The following EPHA7 variants were observed in gnomAD, a reference collection of about 807,000 sequenced individuals.
EPHA7 encodes EPH receptor A7, also known as ephrin type-A receptor 7.
EPHA7 carries 25 observed loss-of-function variants against 112.6 expected under a neutral mutation model. The observed-to-expected ratio is 0.22, with a 90% CI of 0.16 to 0.31. The LOEUF is 0.31. Ranked by LOEUF, EPHA7 falls within the 10% of genes least tolerant of loss-of-function variation. EPHA7 has a pLI of 1.00. For synonymous variants in EPHA7, 437 were observed against 406.5 expected (o/e 1.07, Z -0.90); for missense variants, 962 against 1,212.6 (o/e 0.79, Z 3.07).
chr6:93,296,843 C>T (rs1772698569), intron 5 of EPHA7, among the ~76,000 whole-genome samples: 1 of 151,664 alleles, frequency 6.6e-6, no homozygotes, highest in African/African-American at 2.4e-5. Flanking sequence ...ATTATTTTGC[C>T]TATCACATTG....
intron 3 of EPHA7, among the ~76,000 whole-genome samples, chr6:93,359,874 G>T (rs461552): frequency 0.1 from 12,830 of 127,852 alleles, 668 homozygotes; most frequent in East Asian, 0.13. Flanking sequence ...GAGAGAGAGA[G>T]AGATAGATAG....
chr6:93,358,351 G>T lies in EPHA7; in HGVS notation c.893C>A (p.Thr298Asn). The stretch of plus-strand genomic sequence containing the variant: ...GCCTTCTTTATCAGAAAAACTGTGA[G>T]TTGGACAACGAGAGCACTGAAGATC... Reference protein sequence around the residue: ...SQDLQCSRCPTHSFSDKEGSS... With the variant: ...SQDLQCSRCPNHSFSDKEGSS... Residue 298 changes from threonine to asparagine, a missense_variant, in exon 4 of 17, where the codon ACT becomes AAT. By Grantham distance (65) the Thr-to-Asn change is moderately conservative. Transcript: ENST00000369303. 1.2e-6 allele frequency: 2 copies of T among 1,613,234 alleles called. No individual in the cohort carries two copies. The highest frequency in any genetic ancestry group is 2.2e-5 in the East Asian group (1 of 44,826).
At chr6:93,287,594 G>A (rs578096163) in intron 5 of EPHA7, among the ~76,000 whole-genome samples, 178 of 150,022 alleles carry the variant, frequency 1.2e-3, no homozygotes, top group African/African-American at 4.0e-3. Context: ...AGGTAAACTC[G>A]TGTCATGGGG....
intron 5 of EPHA7, among the ~76,000 whole-genome samples, chr6:93,334,057 T>C (rs1018382213): frequency 1.6e-4 from 25 of 151,892 alleles, no homozygotes; most frequent in African/African-American, 6.0e-4. Flanking sequence ...AGCAGCATGG[T>C]ATTGGTACAA....
chr6:93,247,160 T>A (rs1769992299), intron 14 of EPHA7, among the ~76,000 whole-genome samples, 175 bp from the exon 15 acceptor site: 1 of 152,136 alleles, frequency 6.6e-6, no homozygotes. Context: ...AAGGAGTGCG[T>A]GAAGTGCAGG....
chr6:93,378,782 C>G (rs1487401080), intron 3 of EPHA7, among the ~76,000 whole-genome samples: 1 of 151,996 alleles, frequency 6.6e-6, no homozygotes, highest in Non-Finnish European at 1.5e-5. Context: ...AGGCTTAGAA[C>G]CCAGTCATTC....
At chr6:93,320,531 A>G (rs1774016895) in intron 5 of EPHA7, among the ~76,000 whole-genome samples, 1 of 151,978 alleles carries the variant, frequency 6.6e-6, no homozygotes, top group Non-Finnish European at 1.5e-5. Flanking sequence ...ATTCCCTTTC[A>G]TATTTACTAA....
At chr6:93,260,784 A>C in intron 9 of EPHA7, 1 of 970,458 alleles carries the variant, frequency 1.0e-6, no homozygotes, top group Non-Finnish European at 1.2e-6. Flanking sequence ...CTAAAGCTGA[A>C]GATGAAAAAA....
intron 5 of EPHA7, among the ~76,000 whole-genome samples, chr6:93,322,312 T>C (rs1774113161): frequency 6.6e-6 from 1 of 151,752 alleles, no homozygotes; most frequent in South Asian, 2.1e-4. Flanking sequence ...TAGCATTAAT[T>C]ACTATTCTTT....
intron 9 of EPHA7, among the ~76,000 whole-genome samples, chr6:93,262,153 T>C (rs1463152077): frequency 6.6e-6 from 1 of 151,522 alleles, no homozygotes; most frequent in Non-Finnish European, 1.5e-5. Context: ...AGAAATAAAA[T>C]TTAGGCATTC....
At chr6:93,294,909 T>A (rs1464791673) in intron 5 of EPHA7, among the ~76,000 whole-genome samples, 4 of 152,078 alleles carry the variant, frequency 2.6e-5, no homozygotes, top group Non-Finnish European at 5.9e-5. Context: ...AAAACCAGAT[T>A]GGCTTGTTTA....
rs1273016975 is a variant in EPHA7, at chr6:93,241,036, GAAGGAA to G, written c.*2384_*2389del. 9.4e-6 allele frequency: 2 copies of G among 211,906 alleles called. No homozygotes were observed. The highest frequency in any genetic ancestry group is 1.9e-5 in the Non-Finnish European group (2 of 104,644). 13.1% of individuals were successfully genotyped at this position (211,906 alleles called of 1,614,324 possible). The stretch of plus-strand genomic sequence containing the variant: ...TTTAAGGCAGATGAGGTATATTGCT[GAAGGAA>G]AAATTTATTTTTGAAAAAAACTCAA... On this transcript the variant is annotated 3_prime_UTR_variant, in exon 17 of 17. Transcript: ENST00000369303.
rs148144158 is a variant in EPHA7, at chr6:93,338,016, G to A, written c.1324+18701C>T. Among the ~76,000 whole-genome samples, 3 of 152,094 alleles carry A rather than the reference G, an allele frequency of 2.0e-5. No individual in the cohort carries two copies. In the East Asian group the frequency reaches 5.8e-4, roughly 29 times the overall value. The stretch of plus-strand genomic sequence containing the variant: ...AGGGAGGGAAGAAGAAGCATTGGGA[G>A]GGAGAGAACAAAAGGGAGATAACTC... On this transcript the variant is annotated intron_variant, in intron 5 of 16. Coordinates refer to ENST00000369303, the MANE Select transcript of EPHA7 (RefSeq NM_004440.4).
intron 16 of EPHA7, among the ~76,000 whole-genome samples, chr6:93,244,080 T>C (rs1769831611): frequency 6.6e-6 from 1 of 152,132 alleles, no homozygotes; most frequent in Non-Finnish European, 1.5e-5. Flanking sequence ...TTATATGTTA[T>C]AAAAACTATC....
At chr6:93,406,932 G>A (rs1463029366) in intron 3 of EPHA7, among the ~76,000 whole-genome samples, 1 of 151,732 alleles carries the variant, frequency 6.6e-6, no homozygotes, top group Non-Finnish European at 1.5e-5. Flanking sequence ...TTGCATCAAA[G>A]TTGTTACATA....
At chr6:93,291,767 C>CAAA (rs66483422) in intron 5 of EPHA7, among the ~76,000 whole-genome samples, 6 of 71,692 alleles carry the variant, frequency 8.4e-5, no homozygotes, top group African/African-American at 1.8e-4. Context: ...GACTCCGTCT[C>CAAA]AAAAAAAAAA....
Position 93,419,521 on chromosome 6 carries a change from G to C in EPHA7, c.-180C>G. 5.5e-6 allele frequency: 3 copies of C among 548,068 alleles called. No homozygotes were observed. The highest frequency in any genetic ancestry group is 9.5e-6 in the Non-Finnish European group (3 of 315,406). 34.0% of individuals were successfully genotyped at this position (548,068 alleles called of 1,614,324 possible). On this transcript the variant is annotated 5_prime_UTR_variant, in exon 1 of 17. Coordinates refer to ENST00000369303, the MANE Select transcript of EPHA7 (RefSeq NM_004440.4). ...ATTTCCCCCCCACTCCTGTTCGCTC[G>C]CACCGTGTTTGCTGCCTGCAAGTCT...
At chr6:93,328,280 T>C (rs368008018) in intron 5 of EPHA7, among the ~76,000 whole-genome samples, 42 of 151,698 alleles carry the variant, frequency 2.8e-4, no homozygotes, top group African/African-American at 1.0e-3. Context: ...TAATTTTTTA[T>C]ATTTTACACA....
chr6:93,323,211 T>C (rs943482651), intron 5 of EPHA7, among the ~76,000 whole-genome samples: 9 of 151,630 alleles, frequency 5.9e-5, no homozygotes, highest in African/African-American at 2.2e-4. Context: ...ATTAATCAAT[T>C]AAATGTAAAG....
Sources: allele counts gnomAD v4.1 joint callset (sites outside exome capture counted in the v4.1 genomes callset), GRCh38; gene constraint gnomAD v4.1.1; transcripts MANE v1.5; gene names NCBI Gene and HGNC (gene_info 2026-07-23, HGNC 2026-07-21).